S100Z: variants seen among roughly 807,000 people sequenced by gnomAD.
The protein encoded by S100Z is protein S100-Z.
Under a neutral mutation model 8.5 loss-of-function variants are expected in S100Z, and 11 were observed. The ratio of observed to expected loss-of-function variants is 1.30; its 90% confidence interval spans 0.82 to 2.15. The LOEUF (loss-of-function observed/expected upper bound fraction) is 2.15. S100Z is among the 30% of genes most tolerant of loss of function. The pLI is 0.00. For missense variants in S100Z, 126 were observed against 117.9 expected (o/e 1.07, Z -0.32); for synonymous variants, 34 against 43.8 (o/e 0.78, Z 0.89).
chr5:76,879,210 T>C (rs1320549819), intron 4 of S100Z, among the ~76,000 whole-genome samples: 1 of 152,120 alleles, frequency 6.6e-6, no homozygotes, highest in African/African-American at 2.4e-5. Flanking sequence ...GGGATGTGGA[T>C]GTGAGGCTGG....
chr5:76,906,212 G>A (rs889864005), intron 4 of S100Z, among the ~76,000 whole-genome samples: 3 of 152,220 alleles, frequency 2.0e-5, no homozygotes, highest in East Asian at 1.9e-4. Flanking sequence ...ACAACGTGAT[G>A]TTTTGGTGTA....
intron 2 of S100Z, among the ~76,000 whole-genome samples, chr5:76,873,530 A>T (rs941655983): frequency 6.6e-6 from 1 of 151,934 alleles, no homozygotes; most frequent in Non-Finnish European, 1.5e-5. Context: ...GTGGTCTCGA[A>T]CTCCTGACCT....
chr5:76,875,219 T>C (rs1222178429), intron 2 of S100Z, 85 bp from the exon 3 acceptor site: 1 of 751,578 alleles, frequency 1.3e-6, no homozygotes, highest in Non-Finnish European at 2.1e-6. Context: ...CAACCATCAC[T>C]TGTGTGGCGA....
intron 4 of S100Z, among the ~76,000 whole-genome samples, chr5:76,891,509 T>C (rs909854423): frequency 6.6e-6 from 1 of 152,180 alleles, no homozygotes; most frequent in African/African-American, 2.4e-5. Context: ...TTGATGTGCA[T>C]GTGAATCACC....
intron 4 of S100Z, among the ~76,000 whole-genome samples, chr5:76,888,477 G>A (rs535329089): frequency 7.4e-5 from 10 of 135,800 alleles, no homozygotes; most frequent in South Asian, 2.5e-4. Flanking sequence ...CCGGGTTCAC[G>A]CCATTCTCCT....
At chr5:76,875,649 C>A in intron 3 of S100Z, 149 bp downstream of exon 3, 1 of 695,794 alleles carries the variant, frequency 1.4e-6, no homozygotes. Flanking sequence ...GAAGCAAACA[C>A]TGGAGACGTT....
At chr5:76,905,427 T>G (rs919889492) in intron 4 of S100Z, among the ~76,000 whole-genome samples, 32 of 152,186 alleles carry the variant, frequency 2.1e-4, no homozygotes, top group Non-Finnish European at 4.1e-4. Flanking sequence ...TTTTATTGTT[T>G]TTTGAGATGG....
At chr5:76,943,003 G>A in the S100Z span, among the ~76,000 whole-genome samples, 1 of 152,148 alleles carries the variant, frequency 6.6e-6, no homozygotes, top group Non-Finnish European at 1.5e-5. Context: ...GTATTCAGTG[G>A]GGTGGTTCTT....
At chr5:76,930,271 G>T in the S100Z span, among the ~76,000 whole-genome samples, 1 of 152,200 alleles carries the variant, frequency 6.6e-6, no homozygotes, top group African/African-American at 2.4e-5. Context: ...CAGAGAAATA[G>T]CTGGGATCGC....
chr5:76,943,151 C>CG, the S100Z span, among the ~76,000 whole-genome samples: 1 of 152,076 alleles, frequency 6.6e-6, no homozygotes, highest in Non-Finnish European at 1.5e-5. Flanking sequence ...TGGCTGGAAC[C>CG]GGGTCACCTC....
intron 4 of S100Z, among the ~76,000 whole-genome samples, chr5:76,910,904 A>G (rs967511035): frequency 9.9e-5 from 15 of 152,174 alleles, no homozygotes; most frequent in African/African-American, 3.6e-4. Context: ...CCTCAGTTGT[A>G]ATTGGGAGAC....
the S100Z span, among the ~76,000 whole-genome samples, chr5:76,938,719 T>A: frequency 6.6e-6 from 1 of 152,236 alleles, no homozygotes; most frequent in Non-Finnish European, 1.5e-5. Flanking sequence ...AGTTTTTACG[T>A]CTATGTGTGT....
intron 4 of S100Z, among the ~76,000 whole-genome samples, chr5:76,889,984 T>C (rs1423607808): frequency 6.6e-6 from 1 of 152,224 alleles, no homozygotes; most frequent in Non-Finnish European, 1.5e-5. Flanking sequence ...ATGCCAATAG[T>C]GAGAAAGCTT....
In S100Z at chr5:76,875,385, T is replaced by G. The variant is rs1484524767; in HGVS notation, c.26T>G (p.Met9Arg). 4 of 1,612,834 alleles carry G rather than the reference T, an allele frequency of 2.5e-6. No homozygotes were observed. The Admixed American group carries it at 6.7e-5, about 27-fold the overall frequency. Residue 9 changes from methionine to arginine, a missense_variant, in exon 3 of 5, where the codon ATG (methionine) becomes AGG (arginine). By Grantham distance (91) the Met-to-Arg change is moderately conservative. Transcript: ENST00000317593. Reference sequence around the variant, plus strand: ...ATGCCCACCCAGCTCGAGATGGCCATGGACACCATGATTAGAATCTTCCAC... The same window carrying G: ...ATGCCCACCCAGCTCGAGATGGCCAGGGACACCATGATTAGAATCTTCCAC... MPTQLEMA[M>R]DTMIRIFHRY...
chr5:76,859,773 A>AAAAAAAAAAAG (rs1554035582), intron 1 of S100Z, among the ~76,000 whole-genome samples: 13 of 149,542 alleles, frequency 8.7e-5, no homozygotes, highest in Admixed American at 8.6e-4. Flanking sequence ...AGAGCCAAAA[A>AAAAAAAAAAAG]AAAAAAAAAA....
chr5:76,860,065 A>C (rs949208646), intron 1 of S100Z, among the ~76,000 whole-genome samples: 2 of 152,154 alleles, frequency 1.3e-5, no homozygotes, highest in African/African-American at 4.8e-5. Flanking sequence ...AGGGCTCTTA[A>C]TTGCCGGCAA....
chr5:76,936,057 G>A, the S100Z span, among the ~76,000 whole-genome samples: 11,565 of 152,160 alleles, frequency 0.076, 542 homozygotes, highest in East Asian at 0.15. Context: ...GATTACAGGC[G>A]TGAGCCACCG....
At chr5:76,875,637 G>A (rs1325440424) in intron 3 of S100Z, 137 bp downstream of exon 3, 3 of 756,106 alleles carry the variant, frequency 4.0e-6, no homozygotes, top group Admixed American at 5.9e-5. Flanking sequence ...CAAAATATAG[G>A]GGAAGCAAAC....
chr5:76,895,168 A>G (rs762143435), intron 4 of S100Z, among the ~76,000 whole-genome samples: 2 of 152,176 alleles, frequency 1.3e-5, no homozygotes, highest in African/African-American at 4.8e-5. Context: ...AGTCAAGCGC[A>G]TGTTTTCTGA....
Sources: gnomAD v4.1 joint callset for allele counts (sites outside exome capture counted in the v4.1 genomes callset) on GRCh38, gnomAD v4.1.1 for gene constraint, MANE v1.5 for transcripts, NCBI Gene and HGNC (gene_info 2026-07-23, HGNC 2026-07-21) for gene names.